CACNA2D3: variants seen among roughly 807,000 people sequenced by gnomAD.
CACNA2D3 encodes voltage-dependent calcium channel subunit alpha-2/delta-3.
Under a neutral mutation model 160.6 loss-of-function variants are expected in CACNA2D3, and 60 were observed. That is an observed-to-expected ratio of 0.37 (90% CI 0.30 to 0.46). CACNA2D3 has a LOEUF of 0.46. Ranked by LOEUF, CACNA2D3 falls within the 20% of genes least tolerant of loss-of-function variation. The pLI is 1.00. For missense variants in CACNA2D3, 1,205 were observed against 1,365.0 expected, an observed-to-expected ratio of 0.88 and a Z score of 1.85; for synonymous variants, 558 against 492.9, an observed-to-expected ratio of 1.13 and a Z score of -1.75.
chr3:54,483,561 CCTT>C (rs1300229687), intron 4 of CACNA2D3, among the ~76,000 whole-genome samples: 1 of 152,114 alleles, frequency 6.6e-6, no homozygotes, highest in Non-Finnish European at 1.5e-5. Flanking sequence ...AATGGATTTA[CCTT>C]CTTGTATTAT....
intron 13 of CACNA2D3, among the ~76,000 whole-genome samples, chr3:54,801,695 C>T (rs116599435): frequency 0.017 from 2,639 of 151,936 alleles, 78 homozygotes; most frequent in African/African-American, 0.061. Flanking sequence ...TACAAAAAAC[C>T]GGCATTACTT....
chr3:54,923,868 A>G (rs1184264428), intron 27 of CACNA2D3, among the ~76,000 whole-genome samples: 1 of 152,210 alleles, frequency 6.6e-6, no homozygotes, highest in East Asian at 1.9e-4. Flanking sequence ...GGCCAGATAG[A>G]CAATACAGCC....
At chr3:54,278,846 C>G (rs1424582999) in intron 2 of CACNA2D3, among the ~76,000 whole-genome samples, 1 of 151,372 alleles carries the variant, frequency 6.6e-6, no homozygotes, top group East Asian at 1.9e-4. Context: ...GGATGGGGGG[C>G]AAGGGGAGGG....
At chr3:54,473,947 G>A (rs150583032) in intron 4 of CACNA2D3, among the ~76,000 whole-genome samples, 3 of 152,300 alleles carry the variant, frequency 2.0e-5, no homozygotes, top group Admixed American at 1.3e-4. Context: ...TACACTATTG[G>A]TAGGAGTGTA....
At chr3:54,952,263 G>T (rs553673242) in intron 27 of CACNA2D3, among the ~76,000 whole-genome samples, 1 of 152,192 alleles carries the variant, frequency 6.6e-6, no homozygotes, top group Non-Finnish European at 1.5e-5. Context: ...CAGCACCCCT[G>T]TGGGCACAGG....
At chr3:54,590,079 T>C (rs1702831052) in intron 9 of CACNA2D3, among the ~76,000 whole-genome samples, 1 of 152,198 alleles carries the variant, frequency 6.6e-6, no homozygotes. Context: ...ATTAAAATTA[T>C]GTTCACACAA....
chr3:54,473,234 C>A (rs1700768796), intron 4 of CACNA2D3, among the ~76,000 whole-genome samples: 1 of 152,168 alleles, frequency 6.6e-6, no homozygotes, highest in South Asian at 2.1e-4. Flanking sequence ...TGCCGCACAT[C>A]TAGAACCATC....
chr3:54,990,671 T>C (rs562402405), intron 31 of CACNA2D3, among the ~76,000 whole-genome samples: 12 of 152,264 alleles, frequency 7.9e-5, no homozygotes, highest in African/African-American at 2.6e-4. Flanking sequence ...TCTTGGTCAT[T>C]TTGCTGCCTC....
intron 6 of CACNA2D3, among the ~76,000 whole-genome samples, chr3:54,564,100 C>T (rs1702370121): frequency 6.6e-6 from 1 of 152,180 alleles, no homozygotes; most frequent in Non-Finnish European, 1.5e-5. Context: ...GCAGATATTG[C>T]TGAAATCAGA....
intron 2 of CACNA2D3, among the ~76,000 whole-genome samples, chr3:54,127,927 TTA>T (rs1336935196): frequency 1.6e-5 from 2 of 128,252 alleles, no homozygotes; most frequent in African/African-American, 5.5e-5. Flanking sequence ...TTCTTTTCCT[TTA>T]ACTTGTTTTT....
intron 2 of CACNA2D3, among the ~76,000 whole-genome samples, chr3:54,278,132 T>TA (rs2107459190): frequency 6.6e-6 from 1 of 152,220 alleles, no homozygotes; most frequent in South Asian, 2.1e-4. Flanking sequence ...ACAAGGAAGT[T>TA]AAACAAATTT....
chr3:54,988,969 G>T lies in CACNA2D3; in HGVS notation c.2690+1216G>T, dbSNP rs547885816. On this transcript the variant is annotated intron_variant, in intron 31 of 37. Coordinates refer to ENST00000474759, the MANE Select transcript of CACNA2D3 (RefSeq NM_018398.3). ...CAAGTACAGTTTTCTTCTTTGCTGGGAGTCATTGTACACATGCTTGAAAAC... is the reference window on the plus strand; with the variant it reads ...CAAGTACAGTTTTCTTCTTTGCTGGTAGTCATTGTACACATGCTTGAAAAC... Among the ~76,000 whole-genome samples, 10 of 152,324 alleles carry T rather than the reference G, an allele frequency of 6.6e-5. No individual in the cohort carries two copies. In the South Asian group the frequency reaches 2.1e-3, roughly 32 times the overall value.
intron 27 of CACNA2D3, among the ~76,000 whole-genome samples, chr3:54,936,787 A>G (rs1701339837): frequency 1.3e-5 from 2 of 152,190 alleles, no homozygotes; most frequent in Admixed American, 1.3e-4. Flanking sequence ...ATCATGAAGC[A>G]TGACTATCAG....
intron 8 of CACNA2D3, among the ~76,000 whole-genome samples, chr3:54,571,657 GT>G (rs1232743377): frequency 7.1e-6 from 1 of 140,394 alleles, no homozygotes; most frequent in Non-Finnish European, 1.6e-5. Flanking sequence ...GTGTGTGTGT[GT>G]GGTGGACACT....
chr3:54,364,147 G>A (rs1012739796), intron 3 of CACNA2D3, among the ~76,000 whole-genome samples: 3 of 152,192 alleles, frequency 2.0e-5, no homozygotes, highest in African/African-American at 4.8e-5. Context: ...TAAACCAACC[G>A]ATGTGTAGAG....
rs892519748 is a variant in CACNA2D3, at chr3:54,648,356, A to G, written c.1167+6115A>G. Among the ~76,000 whole-genome samples, 4 of 152,234 alleles carry G rather than the reference A, an allele frequency of 2.6e-5. No homozygotes were observed. The East Asian group carries it at 5.8e-4, about 22-fold the overall frequency. On this transcript the variant is annotated intron_variant, in intron 11 of 37. Transcript: ENST00000474759. ...CACACCCATTTGTTTACTATTGTCTATGGCTGATGGCAGAATTCAGTAGTT... is the reference window on the plus strand; with the variant it reads ...CACACCCATTTGTTTACTATTGTCTGTGGCTGATGGCAGAATTCAGTAGTT...
chr3:54,626,439 G>A (rs1699104808), intron 9 of CACNA2D3: 49 of 1,592,462 alleles, frequency 3.1e-5, no homozygotes, highest in Middle Eastern at 4.0e-4. Flanking sequence ...CGGAAGTGGT[G>A]AAGACGCACC....
intron 11 of CACNA2D3, among the ~76,000 whole-genome samples, chr3:54,642,917 C>G (rs1376510214): frequency 6.6e-6 from 1 of 152,156 alleles, no homozygotes; most frequent in Non-Finnish European, 1.5e-5. Flanking sequence ...TACCCCACCC[C>G]TCCAGCAGCA....
chr3:54,391,745 A>C (rs1699286193), intron 4 of CACNA2D3, among the ~76,000 whole-genome samples: 2 of 152,086 alleles, frequency 1.3e-5, no homozygotes, highest in Admixed American at 1.3e-4. Flanking sequence ...TCCTGGGCTC[A>C]AGTGACCTGC....
Sources: gnomAD v4.1 joint callset for allele counts (sites outside exome capture counted in the v4.1 genomes callset) on GRCh38, gnomAD v4.1.1 for gene constraint, MANE v1.5 for transcripts, NCBI Gene and HGNC (gene_info 2026-07-23, HGNC 2026-07-21) for gene names.